Variants in NT5DC3 observed in about 807,000 individuals in gnomAD.
NT5DC3 encodes 5'-nucleotidase domain containing 3, also known as 5'-nucleotidase domain-containing protein 3.
A neutral mutation model predicts 67.8 loss-of-function variants in NT5DC3; 42 were observed. The ratio of observed to expected loss-of-function variants is 0.62; its 90% CI spans 0.48 to 0.80. NT5DC3 has a LOEUF of 0.80. NT5DC3 is among the 30% of genes least tolerant of loss of function. NT5DC3 has a pLI of 0.00. For synonymous variants in NT5DC3, 237 were observed against 255.6 expected (o/e 0.93, Z 0.69); for missense variants, 570 against 696.4 (o/e 0.82, Z 2.04).
the NT5DC3 span, chr12:103,755,296 C>T: frequency 3.1e-6 from 5 of 1,613,584 alleles, no homozygotes; most frequent in South Asian, 3.3e-5. Flanking sequence ...GTCTGTATCC[C>T]TGCAGGCCAA....
intron 9 of NT5DC3, among the ~76,000 whole-genome samples, chr12:103,790,215 C>G (rs1885984290): frequency 6.6e-6 from 1 of 152,154 alleles, no homozygotes; most frequent in East Asian, 1.9e-4. Context: ...GGTGACACTC[C>G]CACCTCAGTC....
chr12:103,795,334 C>T (rs1886265413), intron 6 of NT5DC3, among the ~76,000 whole-genome samples: 1 of 150,974 alleles, frequency 6.6e-6, no homozygotes, highest in South Asian at 2.1e-4. Flanking sequence ...AAGAACAGTG[C>T]CTAGGACCTA....
chr12:103,784,746 C>T (rs1392839848), intron 12 of NT5DC3, among the ~76,000 whole-genome samples: 2 of 152,164 alleles, frequency 1.3e-5, no homozygotes, highest in African/African-American at 4.8e-5. Flanking sequence ...GGCCAGGAAA[C>T]GACTGATAAA....
chr12:103,759,741 A>G, the NT5DC3 span, among the ~76,000 whole-genome samples: 2 of 151,932 alleles, frequency 1.3e-5, no homozygotes, highest in African/African-American at 2.4e-5. Flanking sequence ...CATGATTGTG[A>G]TACAAGGGAG....
chr12:103,791,818 C>T (rs1886077263), intron 9 of NT5DC3, among the ~76,000 whole-genome samples: 1 of 152,214 alleles, frequency 6.6e-6, no homozygotes, highest in Admixed American at 6.5e-5. Flanking sequence ...GTGAGCTGCA[C>T]AAGCAAGGGA....
intron 12 of NT5DC3, among the ~76,000 whole-genome samples, chr12:103,782,107 C>T (rs568676460): frequency 5.9e-5 from 9 of 152,318 alleles, no homozygotes; most frequent in South Asian, 4.1e-4. Flanking sequence ...TGGTAGCTCA[C>T]GCCTATAATC....
the NT5DC3 span, among the ~76,000 whole-genome samples, chr12:103,762,625 A>G: frequency 0.043 from 6,507 of 152,288 alleles, 173 homozygotes; most frequent in South Asian, 0.087. Context: ...CTTCTGGCTG[A>G]GACAGGGCTT....
intron 1 of NT5DC3, among the ~76,000 whole-genome samples, chr12:103,828,738 C>T (rs1222035500): frequency 7.0e-6 from 1 of 142,740 alleles, no homozygotes; most frequent in Non-Finnish European, 1.5e-5. Flanking sequence ...CACTCTGTTG[C>T]CCAGGCTGGA....
intron 9 of NT5DC3, among the ~76,000 whole-genome samples, chr12:103,790,045 ATCT>A (rs1885972726): frequency 6.6e-6 from 1 of 152,076 alleles, no homozygotes; most frequent in African/African-American, 2.4e-5. Flanking sequence ...AAGTGATTAC[ATCT>A]TCTTAAATAC....
chr12:103,799,493 C>G (rs11111791), intron 4 of NT5DC3, among the ~76,000 whole-genome samples: 33,296 of 152,096 alleles, frequency 0.22, 4,186 homozygotes, highest in South Asian at 0.45. Flanking sequence ...GTAAAGCATG[C>G]CTTTCGCCTT....
At chr12:103,803,457 C>T (rs1046327103) in intron 4 of NT5DC3, among the ~76,000 whole-genome samples, 13 of 152,062 alleles carry the variant, frequency 8.5e-5, no homozygotes, top group African/African-American at 2.9e-4. Flanking sequence ...ATGTTACTTA[C>T]AAAATACATG....
chr12:103,783,679 A>G (rs764761902), intron 12 of NT5DC3, among the ~76,000 whole-genome samples: 5 of 152,074 alleles, frequency 3.3e-5, no homozygotes, highest in Non-Finnish European at 5.9e-5. Flanking sequence ...CACACCTCAT[A>G]TAATTAATTT....
intron 1 of NT5DC3, among the ~76,000 whole-genome samples, chr12:103,826,440 C>T (rs1435630862): frequency 6.6e-6 from 1 of 152,174 alleles, no homozygotes; most frequent in Admixed American, 6.5e-5. Flanking sequence ...GCAGAAGATT[C>T]AGTGTGAGAG....
chr12:103,756,996 AATATATATATATATATAT>A, the NT5DC3 span, among the ~76,000 whole-genome samples: 2 of 56,382 alleles, frequency 3.5e-5, no homozygotes, highest in Non-Finnish European at 6.3e-5. Context: ...AAGGAGGGAA[AATATATATATATATATAT>A]ATATATATAT....
intron 1 of NT5DC3, 28 bp downstream of exon 1, chr12:103,840,921 G>C (rs1888392251): frequency 7.7e-7 from 1 of 1,302,068 alleles, no homozygotes; most frequent in South Asian, 1.9e-5. Context: ...GGCCCCAGGC[G>C]CCGGGGCGGG....
chr12:103,827,230 G>A (rs906656897), intron 1 of NT5DC3, among the ~76,000 whole-genome samples: 4 of 152,060 alleles, frequency 2.6e-5, no homozygotes, highest in African/African-American at 9.7e-5. Flanking sequence ...GGGAGTCAGA[G>A]TCAGAATTTT....
chr12:103,753,181 G>A, the NT5DC3 span: 1 of 1,608,756 alleles, frequency 6.2e-7, no homozygotes, highest in African/African-American at 1.3e-5. Context: ...TGCCAACCTG[G>A]TGGGCTGACC....
At chr12:103,824,741 C>T (rs1417150604) in intron 1 of NT5DC3, among the ~76,000 whole-genome samples, 2 of 152,258 alleles carry the variant, frequency 1.3e-5, no homozygotes, top group Non-Finnish European at 2.9e-5. Context: ...CCTAGCCTTT[C>T]CTCACATTCC....
chr12:103,832,461 C>CT (rs1431378334), intron 1 of NT5DC3, among the ~76,000 whole-genome samples: 1 of 151,854 alleles, frequency 6.6e-6, no homozygotes, highest in Non-Finnish European at 1.5e-5. Context: ...CCACTGAATT[C>CT]TTTTTTTTAA....
Sources: allele counts gnomAD v4.1 joint callset (sites outside exome capture counted in the v4.1 genomes callset), GRCh38; gene constraint gnomAD v4.1.1; transcripts MANE v1.5; gene names NCBI Gene and HGNC (gene_info 2026-07-23, HGNC 2026-07-21).